Variants in KCND2 observed in about 807,000 individuals in gnomAD.
The protein encoded by KCND2 is A-type voltage-gated potassium channel KCND2.
KCND2 carries 16 observed loss-of-function variants against 54.4 expected under a neutral mutation model. That is an observed-to-expected ratio of 0.29 (90% CI 0.20 to 0.45). KCND2 has a LOEUF of 0.45. Ranked by LOEUF, KCND2 falls within the 20% of genes least tolerant of loss-of-function variation. The pLI is 1.00. For missense variants in KCND2, 486 were observed against 824.2 expected (o/e 0.59, Z 5.02); for synonymous variants, 317 against 310.7 (o/e 1.02, Z -0.21).
chr7:120,349,185 A>G (rs560112866), intron 1 of KCND2, among the ~76,000 whole-genome samples: 2 of 152,224 alleles, frequency 1.3e-5, no homozygotes, highest in South Asian at 4.1e-4. Context: ...TACATCCACT[A>G]TGGAAGACTC....
intron 1 of KCND2, among the ~76,000 whole-genome samples, chr7:120,542,688 A>G (rs959048479): frequency 1.3e-5 from 2 of 152,110 alleles, no homozygotes; most frequent in African/African-American, 4.8e-5. Context: ...TTTCTAAATA[A>G]TTGAGGAGAC....
chr7:120,693,293 C>T (rs2116605909), intron 1 of KCND2, among the ~76,000 whole-genome samples: 1 of 152,196 alleles, frequency 6.6e-6, no homozygotes, highest in East Asian at 1.9e-4. Flanking sequence ...CCTCAGAGCA[C>T]CACGTACTTC....
intron 1 of KCND2, among the ~76,000 whole-genome samples, chr7:120,617,329 C>T (rs1039090790): frequency 6.6e-6 from 1 of 152,008 alleles, no homozygotes; most frequent in African/African-American, 2.4e-5. Flanking sequence ...AACCAATCTA[C>T]TCCATGAACA....
intron 1 of KCND2, among the ~76,000 whole-genome samples, chr7:120,421,377 T>G (rs1251349327): frequency 6.6e-6 from 1 of 152,242 alleles, no homozygotes; most frequent in East Asian, 1.9e-4. Context: ...AAAAGCTGTG[T>G]CTGTGGCCAG....
intron 1 of KCND2, among the ~76,000 whole-genome samples, chr7:120,629,791 G>A (rs1311026793): frequency 1.3e-5 from 2 of 152,098 alleles, no homozygotes; most frequent in African/African-American, 2.4e-5. Context: ...GTGTGTGTGA[G>A]AGGGTGAGGA....
chr7:120,539,950 CAAT>C (rs1584819599), intron 1 of KCND2, among the ~76,000 whole-genome samples: 1 of 152,098 alleles, frequency 6.6e-6, no homozygotes, highest in East Asian at 1.9e-4. Context: ...TATGACAACT[CAAT>C]GATGCCTGCC....
chr7:120,286,975 T>G (rs976726357), intron 1 of KCND2, among the ~76,000 whole-genome samples: 1 of 151,984 alleles, frequency 6.6e-6, no homozygotes, highest in Admixed American at 6.6e-5. Flanking sequence ...AAATTCCTGG[T>G]GGACAAAGAA....
intron 1 of KCND2, among the ~76,000 whole-genome samples, chr7:120,643,820 T>A (rs1793406022): frequency 6.6e-6 from 1 of 151,504 alleles, no homozygotes; most frequent in Non-Finnish European, 1.5e-5. Context: ...TGCTACTTAC[T>A]CTCAAAAATA....
intron 1 of KCND2, among the ~76,000 whole-genome samples, chr7:120,552,664 A>G (rs1164773711): frequency 6.6e-6 from 1 of 152,144 alleles, no homozygotes; most frequent in African/African-American, 2.4e-5. Flanking sequence ...ATCTTCAGAG[A>G]TAAGGGTGCC....
intron 1 of KCND2, among the ~76,000 whole-genome samples, chr7:120,644,102 A>G (rs1562896947): frequency 6.6e-6 from 1 of 152,100 alleles, no homozygotes; most frequent in African/African-American, 2.4e-5. Context: ...AAGAAGATGA[A>G]TGAACTCTCT....
intron 1 of KCND2, among the ~76,000 whole-genome samples, chr7:120,636,899 G>C (rs1031587304): frequency 3.3e-5 from 5 of 152,016 alleles, no homozygotes; most frequent in African/African-American, 9.7e-5. Flanking sequence ...CTGACAAATG[G>C]ACAGATACTT....
intron 1 of KCND2, among the ~76,000 whole-genome samples, chr7:120,485,560 G>A (rs1169027355): frequency 3.9e-5 from 6 of 152,142 alleles, no homozygotes; most frequent in Non-Finnish European, 7.4e-5. Flanking sequence ...TTTCGCAGAT[G>A]ACCTGACTCT....
At position 120,579,666 on chromosome 7, in the gene KCND2, TAA is replaced by T. The variant is rs770162982; in HGVS notation, c.1116-153235_1116-153234del. The stretch of plus-strand genomic sequence containing the variant: ...TAAATAAAATAAAATAAATAAAAAT[TAA>T]ATTGTCCTTTAAAATCTCCCACTGT... On this transcript the variant is annotated intron_variant, in intron 1 of 5. Coordinates refer to ENST00000331113, the MANE Select transcript of KCND2 (RefSeq NM_012281.3). 1.1e-3 allele frequency among the ~76,000 whole-genome samples: 164 copies of T among 150,828 alleles called. 1 individual carries two copies. The highest frequency in any genetic ancestry group is 1.8e-3 in the Non-Finnish European group (124 of 67,676).
intron 1 of KCND2, among the ~76,000 whole-genome samples, chr7:120,610,553 C>A (rs1792941105): frequency 6.6e-6 from 1 of 152,024 alleles, no homozygotes. Context: ...TGGGGTAGGA[C>A]CTGAGATTCT....
At chr7:120,327,278 C>T (rs1243405750) in intron 1 of KCND2, among the ~76,000 whole-genome samples, 1 of 152,038 alleles carries the variant, frequency 6.6e-6, no homozygotes, top group Non-Finnish European at 1.5e-5. Flanking sequence ...ACAGGATGTA[C>T]ATTAAACCTT....
intron 1 of KCND2, among the ~76,000 whole-genome samples, chr7:120,637,327 G>T (rs951052500): frequency 6.6e-6 from 1 of 152,058 alleles, no homozygotes; most frequent in East Asian, 1.9e-4. Context: ...CTTCTTACTT[G>T]CTAGATAAAT....
chr7:120,621,276 C>CAAAAAAAAAAAAAAAAAAAAAAAAAAA (rs1175736454), intron 1 of KCND2, among the ~76,000 whole-genome samples: 3 of 47,202 alleles, frequency 6.4e-5, no homozygotes, highest in African/African-American at 1.4e-4. Context: ...GACTCCGTCT[C>CAAAAAAAAAAAAAAAAAAAAAAAAAAA]AAAAAAAAAA....
intron 1 of KCND2, among the ~76,000 whole-genome samples, chr7:120,543,494 G>A (rs1431507020): frequency 6.6e-6 from 1 of 152,020 alleles, no homozygotes; most frequent in Non-Finnish European, 1.5e-5. Context: ...AGTTAAAAAT[G>A]AATTCCTGAG....
At position 120,714,968 on chromosome 7, in the gene KCND2, A is replaced by G. The variant is rs541369715; in HGVS notation, c.1116-17935A>G. 5.9e-5 allele frequency among the ~76,000 whole-genome samples: 9 copies of G among 152,232 alleles called. No individual in the cohort carries two copies. In the South Asian group the frequency reaches 1.9e-3, roughly 32 times the overall value. Reference sequence around the variant, plus strand: ...TATACTGGGATATCAGAAATTAGTGATTGAGAATCAAGCACTTACATTCTA... The same window carrying G: ...TATACTGGGATATCAGAAATTAGTGGTTGAGAATCAAGCACTTACATTCTA... On this transcript the variant is annotated intron_variant, in intron 1 of 5. Transcript: ENST00000331113.
Sources: gnomAD v4.1 joint callset for allele counts (sites outside exome capture counted in the v4.1 genomes callset) on GRCh38, gnomAD v4.1.1 for gene constraint, MANE v1.5 for transcripts, NCBI Gene and HGNC (gene_info 2026-07-23, HGNC 2026-07-21) for gene names.